The following SEMA6A variants were observed in gnomAD, a reference collection of about 807,000 sequenced individuals.
The protein encoded by SEMA6A is semaphorin-6A.
SEMA6A carries 25 observed loss-of-function variants against 96.8 expected under a neutral mutation model. The observed-to-expected ratio is 0.26, with a 90% CI of 0.19 to 0.36. The LOEUF (loss-of-function observed/expected upper bound fraction) is 0.36, where lower values mean the gene tolerates loss of function less well. Ranked by LOEUF, SEMA6A falls within the 10% of genes least tolerant of loss-of-function variation. SEMA6A has a pLI of 1.00. For missense variants in SEMA6A, 1,363 were observed against 1,323.1 expected (o/e 1.03, Z -0.47); for synonymous variants, 612 against 518.0 (o/e 1.18, Z -2.46).
intron 6 of SEMA6A, among the ~76,000 whole-genome samples, chr5:116,495,015 G>A (rs10155646): frequency 0.091 from 13,883 of 152,224 alleles, 855 homozygotes; most frequent in Middle Eastern, 0.14. Flanking sequence ...TTCAAATGCC[G>A]TGCTTTTGAG....
intron 2 of SEMA6A, among the ~76,000 whole-genome samples, chr5:116,503,814 C>T (rs1251831363): frequency 2.0e-5 from 3 of 152,012 alleles, no homozygotes; most frequent in Non-Finnish European, 4.4e-5. Context: ...CGCGCCCTGC[C>T]CTGGAGTCCC....
intron 17 of SEMA6A, chr5:116,472,668 C>G: frequency 2.1e-6 from 1 of 482,342 alleles, no homozygotes; most frequent in Non-Finnish European, 3.6e-6. Context: ...TTCATGTTAT[C>G]TGGATTAAAA....
chr5:116,514,521 G>A (rs1470858045), intron 1 of SEMA6A, among the ~76,000 whole-genome samples: 4 of 151,918 alleles, frequency 2.6e-5, no homozygotes, highest in East Asian at 1.9e-4. Context: ...TGCTGAACTC[G>A]GACATCTGCT....
At chr5:116,473,934 C>CT (rs1756306048) in intron 16 of SEMA6A, among the ~76,000 whole-genome samples, 1 of 152,158 alleles carries the variant, frequency 6.6e-6, no homozygotes, top group South Asian at 2.1e-4. Flanking sequence ...AGGCACACTA[C>CT]AAAGCACGAA....
chr5:116,489,081 C>T (rs1757206248), intron 7 of SEMA6A, 74 bp from the exon 8 acceptor site: 1 of 1,426,600 alleles, frequency 7.0e-7, no homozygotes, highest in East Asian at 2.6e-5. Flanking sequence ...AAAGACATCC[C>T]CTAGATTGCT....
intron 4 of SEMA6A, 119 bp downstream of exon 4, chr5:116,497,208 A>G: frequency 1.6e-6 from 1 of 613,120 alleles, no homozygotes; most frequent in East Asian, 2.9e-5. Context: ...CACAAAATGC[A>G]TGTTGGCATC....
chr5:116,541,850 A>G (rs1309665659), intron 1 of SEMA6A, among the ~76,000 whole-genome samples: 1 of 152,184 alleles, frequency 6.6e-6, no homozygotes, highest in Non-Finnish European at 1.5e-5. Flanking sequence ...ACAAACAAAC[A>G]AACAAACAAA....
intron 18 of SEMA6A, among the ~76,000 whole-genome samples, chr5:116,459,466 G>C (rs188352997): frequency 1.6e-4 from 25 of 152,098 alleles, no homozygotes; most frequent in Admixed American, 1.5e-3. Flanking sequence ...AAAACTCCTT[G>C]GCATGGCATT....
chr5:116,566,253 C>A (rs574888602), intron 1 of SEMA6A, among the ~76,000 whole-genome samples: 99 of 152,284 alleles, frequency 6.5e-4, no homozygotes, highest in African/African-American at 2.4e-3. Flanking sequence ...ACAGCACCAA[C>A]TTTAGAGCTT....
rs140021201 is a variant in SEMA6A, at chr5:116,537,228, A to G, written c.-38-32246T>C. Among the ~76,000 whole-genome samples the G allele has an allele frequency of 1.6e-3, 244 of 152,330 alleles. 1 individual carries two copies. The Middle Eastern group carries it at 0.024, about 15-fold the overall frequency. On this transcript the variant is annotated intron_variant, in intron 1 of 18. Coordinates refer to ENST00000343348, the MANE Select transcript of SEMA6A (RefSeq NM_020796.5). The stretch of plus-strand genomic sequence containing the variant: ...TTTCTTGAGAATAGGGCAGTAAAAG[A>G]AAATACAATCACAGAAAAGTTAGAA...
At chr5:116,467,920 G>A in intron 17 of SEMA6A, 173 bp from the exon 18 acceptor site, 1 of 633,642 alleles carries the variant, frequency 1.6e-6, no homozygotes, top group Non-Finnish European at 2.7e-6. Flanking sequence ...GTGGTGTGGG[G>A]TGTGTTCAGC....
At chr5:116,505,559 T>C (rs1158346668) in intron 1 of SEMA6A, among the ~76,000 whole-genome samples, 4 of 152,092 alleles carry the variant, frequency 2.6e-5, no homozygotes, top group South Asian at 2.1e-4. Flanking sequence ...CCCTGACTTA[T>C]GTCATTCTAC....
chr5:116,565,391 C>T (rs1760983710), intron 1 of SEMA6A, among the ~76,000 whole-genome samples: 1 of 152,170 alleles, frequency 6.6e-6, no homozygotes, highest in Non-Finnish European at 1.5e-5. Flanking sequence ...GAAACTATGG[C>T]AACCGAATAA....
intron 1 of SEMA6A, chr5:116,562,595 C>A (rs1561538212): frequency 1.5e-6 from 1 of 665,880 alleles, no homozygotes; most frequent in Non-Finnish European, 2.8e-6. Context: ...AAAGGAAGAA[C>A]AGGTCATCAG....
At chr5:116,495,609 G>A (rs32973) in intron 5 of SEMA6A, 95 bp from the exon 6 acceptor site, 547,530 of 881,964 alleles carry the variant, frequency 0.62, 172,022 homozygotes, top group African/African-American at 0.72. Flanking sequence ...TAAGGTTAAA[G>A]TGGAGGTGGC....
At chr5:116,499,750 CT>C in intron 3 of SEMA6A, among the ~76,000 whole-genome samples, 1 of 152,276 alleles carries the variant, frequency 6.6e-6, no homozygotes, top group Non-Finnish European at 1.5e-5. Context: ...TGTGTTTCTT[CT>C]TTTTATCCTT....
intron 17 of SEMA6A, chr5:116,469,156 T>C (rs992492412): frequency 1.3e-5 from 2 of 152,208 alleles, no homozygotes; most frequent in Non-Finnish European, 2.9e-5. Context: ...CCACAAAGCT[T>C]TGGTAACATT....
chr5:116,562,742 G>T, intron 1 of SEMA6A: 1 of 733,494 alleles, frequency 1.4e-6, no homozygotes, highest in Admixed American at 1.7e-5. Context: ...TGGGATGAAG[G>T]TGAAGGCAGA....
At chr5:116,558,061 A>G (rs1760676615) in intron 1 of SEMA6A, among the ~76,000 whole-genome samples, 1 of 152,236 alleles carries the variant, frequency 6.6e-6, no homozygotes, top group Admixed American at 6.5e-5. Context: ...AAAATAAGAC[A>G]TCCAAACAAA....
Sources: gnomAD v4.1 joint callset for allele counts (sites outside exome capture counted in the v4.1 genomes callset) on GRCh38, gnomAD v4.1.1 for gene constraint, MANE v1.5 for transcripts, NCBI Gene and HGNC (gene_info 2026-07-23, HGNC 2026-07-21) for gene names.